NXPE1: variants seen among roughly 807,000 people sequenced by gnomAD.
NXPE1 encodes neurexophilin and PC-esterase domain family member 1, also known as NXPE family member 1.
A neutral mutation model predicts 33.3 loss-of-function variants in NXPE1; 31 were observed. That is an observed-to-expected ratio of 0.93 (90% CI 0.70 to 1.26). The LOEUF is 1.26. NXPE1 is among the 50% of genes most tolerant of loss of function. The pLI is 0.00. For synonymous variants in NXPE1, 229 were observed against 231.4 expected, an observed-to-expected ratio of 0.99 and a Z score of 0.09; for missense variants, 661 against 655.6, an observed-to-expected ratio of 1.01 and a Z score of -0.09.
At chr11:114,542,098 A>G (rs933527306) in intron 5 of NXPE1, among the ~76,000 whole-genome samples, 1 of 152,166 alleles carries the variant, frequency 6.6e-6, no homozygotes, top group Admixed American at 6.5e-5. Flanking sequence ...GGTCATTCAC[A>G]TTTATGATTA....
At chr11:114,557,654 TATATATATATATATATATAA>T (rs1171067286) in intron 1 of NXPE1, among the ~76,000 whole-genome samples, 2 of 141,050 alleles carry the variant, frequency 1.4e-5, no homozygotes, top group African/African-American at 5.3e-5. Flanking sequence ...TATATATATA[TATATATATATATATATATAA>T]AATCCTTGTT....
intron 7 of NXPE1, among the ~76,000 whole-genome samples, chr11:114,526,322 T>C (rs960198884): frequency 6.6e-6 from 1 of 152,184 alleles, no homozygotes; most frequent in East Asian, 1.9e-4. Flanking sequence ...ATAGCAGCAA[T>C]AAGAAAATGA....
chr11:114,553,508 A>G (rs1948573488), intron 1 of NXPE1, among the ~76,000 whole-genome samples: 1 of 152,164 alleles, frequency 6.6e-6, no homozygotes, highest in Admixed American at 6.5e-5. Flanking sequence ...AATTTTACTG[A>G]TGGCAGAGTT....
rs1249748691 is a variant in NXPE1, at chr11:114,543,550, A to G, written c.99+7553T>C. Among the ~76,000 whole-genome samples, 7 of 152,136 alleles carry G rather than the reference A, an allele frequency of 4.6e-5. No individual in the cohort carries two copies. The Middle Eastern group carries it at 0.01, about 222-fold the overall frequency. On this transcript the variant is annotated intron_variant, in intron 5 of 8. Coordinates refer to ENST00000534921, the Ensembl canonical transcript of NXPE1. Reference sequence around the variant, plus strand: ...AAAAAAAAATCTTTTTAGATTGGTTAACAAAGCCAAATCACTGTGGCTTAC... The same window carrying G: ...AAAAAAAAATCTTTTTAGATTGGTTGACAAAGCCAAATCACTGTGGCTTAC...
At chr11:114,526,195 C>A (rs1947364068) in intron 7 of NXPE1, among the ~76,000 whole-genome samples, 1 of 152,202 alleles carries the variant, frequency 6.6e-6, no homozygotes, top group South Asian at 2.1e-4. Context: ...CCCCTGGAGC[C>A]TCCAGGAAGG....
intron 6 of NXPE1, 134 bp from the exon 7 acceptor site, chr11:114,528,035 G>T: frequency 3.3e-6 from 2 of 600,394 alleles, no homozygotes; most frequent in Non-Finnish European, 5.7e-6. Flanking sequence ...GTAAATTTTA[G>T]ATATATTGGG....
At chr11:114,529,187 A>G (rs1036001454) in intron 6 of NXPE1, 22 of 185,304 alleles carry the variant, frequency 1.2e-4, no homozygotes, top group Admixed American at 8.0e-4. Context: ...GCTGAGGAAA[A>G]ATAAATCTTC....
At chr11:114,523,728 A>G (rs1015813671) in intron 7 of NXPE1, among the ~76,000 whole-genome samples, 42 of 152,304 alleles carry the variant, frequency 2.8e-4, no homozygotes, top group African/African-American at 9.9e-4. Flanking sequence ...GGTAGGTAGC[A>G]GTGAAGCAAA....
intron 5 of NXPE1, among the ~76,000 whole-genome samples, chr11:114,538,489 G>C (rs966127051): frequency 6.6e-6 from 1 of 152,086 alleles, no homozygotes; most frequent in African/African-American, 2.4e-5. Context: ...AGAGTGAACA[G>C]GCAACCTACA....
intron 5 of NXPE1, among the ~76,000 whole-genome samples, chr11:114,535,800 C>G (rs1333656198): frequency 6.6e-6 from 1 of 152,134 alleles, no homozygotes; most frequent in Non-Finnish European, 1.5e-5. Flanking sequence ...TAGTGACCTA[C>G]AAAGAGACTT....
chr11:114,522,351 G>A lies in NXPE1; in HGVS notation c.1261C>T (p.Arg421Trp), dbSNP rs566770021. 1.1e-5 allele frequency: 17 copies of A among 1,614,074 alleles called. No individual in the cohort carries two copies. The highest frequency in any genetic ancestry group is 4.5e-5 in the East Asian group (2 of 44,884). Residue 421 changes from arginine to tryptophan, a missense_variant, in exon 9 of 9, where the codon CGG becomes TGG. Transcript: ENST00000534921. Reference sequence around the variant, plus strand: ...TCACCTGATAGCCGGTCAATTTCCCGAGGGATATAATCATGATCTATCAGA... The same window carrying A: ...TCACCTGATAGCCGGTCAATTTCCCAAGGGATATAATCATGATCTATCAGA...
intron 5 of NXPE1, among the ~76,000 whole-genome samples, chr11:114,546,706 G>A (rs545452): frequency 0.6 from 90,986 of 151,878 alleles, 29,046 homozygotes; most frequent in African/African-American, 0.84. Flanking sequence ...CCATTCTCCA[G>A]TGAAAGGAAT....
chr11:114,538,449 A>G (rs9736503), intron 5 of NXPE1, among the ~76,000 whole-genome samples: 34,335 of 152,010 alleles, frequency 0.23, 5,442 homozygotes, highest in African/African-American at 0.44. Context: ...TAAACTAAAG[A>G]GCTTCTGCAC....
At chr11:114,541,781 CAG>C (rs1215930405) in intron 5 of NXPE1, among the ~76,000 whole-genome samples, 1 of 152,104 alleles carries the variant, frequency 6.6e-6, no homozygotes, top group Non-Finnish European at 1.5e-5. Context: ...GATAAAAAAT[CAG>C]AGCTTAGTCC....
At chr11:114,548,441 G>A (rs1006647343) in intron 5 of NXPE1, among the ~76,000 whole-genome samples, 1 of 151,932 alleles carries the variant, frequency 6.6e-6, no homozygotes, top group South Asian at 2.1e-4. Context: ...CTCAATAAAT[G>A]CTAACTGGTA....
Position 114,556,702 on chromosome 11 carries a change from T to A in NXPE1, c.-211+3096A>T, listed in dbSNP as rs192846729. On this transcript the variant is annotated intron_variant, in intron 1 of 8. Transcript: ENST00000534921. Reference sequence around the variant, plus strand: ...TTCATATCATTTTTTAAAATGTATTTTTTTCCAGAGTTTAATACTGTTCTA... The same window carrying A: ...TTCATATCATTTTTTAAAATGTATTATTTTCCAGAGTTTAATACTGTTCTA... 2.0e-3 allele frequency among the ~76,000 whole-genome samples: 311 copies of A among 152,120 alleles called. 1 individual carries two copies. The highest frequency in any genetic ancestry group is 7.2e-3 in the African/African-American group (301 of 41,518).
chr11:114,530,701 C>T (rs998296343), exon 6 of NXPE1: 3 of 1,614,132 alleles, frequency 1.9e-6, no homozygotes, highest in Non-Finnish European at 2.5e-6. Flanking sequence ...AGGATGGTGG[C>T]TGTGCTGTGT....
At chr11:114,530,723 G>T (rs1341268544) in exon 6 of NXPE1, 3 of 1,614,180 alleles carry the variant, frequency 1.9e-6, no homozygotes, top group Non-Finnish European at 2.5e-6. Context: ...TGGCACTGGT[G>T]GTGGTGTTCA....
chr11:114,539,428 T>TATAACA (rs1565308379), intron 5 of NXPE1, among the ~76,000 whole-genome samples: 1 of 151,684 alleles, frequency 6.6e-6, no homozygotes, highest in Non-Finnish European at 1.5e-5. Context: ...AAACTTAAAG[T>TATAACA]ATAATAATAA....
Sources: allele counts gnomAD v4.1 joint callset (sites outside exome capture counted in the v4.1 genomes callset), GRCh38; gene constraint gnomAD v4.1.1; transcripts MANE v1.5; gene names NCBI Gene and HGNC (gene_info 2026-07-23, HGNC 2026-07-21).